The following PIK3C2B variants were observed in gnomAD, a reference collection of about 807,000 sequenced individuals.
PIK3C2B encodes the protein phosphatidylinositol 4-phosphate 3-kinase C2 domain-containing subunit beta.
A neutral mutation model predicts 184.3 loss-of-function variants in PIK3C2B; 83 were observed. The ratio of observed to expected loss-of-function variants is 0.45; its 90% CI spans 0.38 to 0.54. The LOEUF is 0.54. PIK3C2B is among the 20% of genes least tolerant of loss of function. The probability of loss-of-function intolerance (pLI) is 0.00; values close to 1 mark genes in which losing one functional copy is unlikely to be tolerated. For synonymous variants in PIK3C2B, 779 were observed against 837.6 expected (o/e 0.93, Z 1.21); for missense variants, 1,736 against 2,113.5 (o/e 0.82, Z 3.50).
At chr1:204,450,866 C>T (rs748621039) in intron 12 of PIK3C2B, among the ~76,000 whole-genome samples, 1 of 152,198 alleles carries the variant, frequency 6.6e-6, no homozygotes, top group Non-Finnish European at 1.5e-5. Flanking sequence ...TTCGGGGAAG[C>T]TGTCCCTGGG....
chr1:204,456,149 G>C, intron 10 of PIK3C2B, 98 bp from the exon 11 acceptor site: 1 of 917,936 alleles, frequency 1.1e-6, no homozygotes, highest in Non-Finnish European at 1.6e-6. Flanking sequence ...CTAAGACAGT[G>C]GTCCCCAAAT....
chr1:204,431,850 G>A, intron 27 of PIK3C2B, 57 bp from the exon 28 acceptor site: 1 of 1,608,140 alleles, frequency 6.2e-7, no homozygotes, highest in Non-Finnish European at 8.5e-7. Context: ...CCAGTGAAGG[G>A]TGTAGGAAAG....
intron 28 of PIK3C2B, 197 bp downstream of exon 28, chr1:204,431,472 G>A: frequency 1.6e-6 from 1 of 627,756 alleles, no homozygotes; most frequent in Non-Finnish European, 2.8e-6. Context: ...GGCCTGGAGT[G>A]AGAGCTCTTG....
rs1674811410 is a variant in PIK3C2B, at chr1:204,427,562, T to A, written c.4587+86A>T. The A allele has an allele frequency of 2.5e-5, 21 of 837,692 alleles. No individual in the cohort carries two copies. In the South Asian group the frequency reaches 2.6e-4, roughly 10 times the overall value. The allele number at this position is 837,692 out of a possible 1,614,324, so 51.9% of individuals were successfully genotyped here. On this transcript the variant is annotated intron_variant, in intron 31 of 32. Transcript: ENST00000684373. ...CAGTAGACTGTGGTGGTTACCCATATGACACGCGGCAGAGAAGGTCTGCCC... is the reference window on the plus strand; with the variant it reads ...CAGTAGACTGTGGTGGTTACCCATAAGACACGCGGCAGAGAAGGTCTGCCC...
rs908482261 is a variant in PIK3C2B, at chr1:204,464,373, G to A, written c.1189+77C>T. 1.5e-5 allele frequency: 20 copies of A among 1,292,026 alleles called. No individual in the cohort carries two copies. The African/African-American group carries it at 2.3e-4, about 15-fold the overall frequency. 80.0% of individuals were successfully genotyped at this position (1,292,026 alleles called of 1,614,324 possible). A position where few individuals can be genotyped will look rare whatever the true frequency, so the allele number is the denominator to read the frequency against. On this transcript the variant is annotated intron_variant, in intron 4 of 32. Coordinates refer to ENST00000684373, the MANE Select transcript of PIK3C2B (RefSeq NM_001377334.1). The stretch of plus-strand genomic sequence containing the variant: ...CTTCATCTGGGCCACAAGATGAGGT[G>A]GAAATCGAGTCAAAACACAGTCATC...
chr1:204,439,766 G>T (rs1675546257), intron 22 of PIK3C2B, among the ~76,000 whole-genome samples: 1 of 152,078 alleles, frequency 6.6e-6, no homozygotes, highest in African/African-American at 2.4e-5. Context: ...TCCCGAGGAG[G>T]TGGGACTGCA....
intron 1 of PIK3C2B, among the ~76,000 whole-genome samples, chr1:204,471,969 T>A (rs922183841): frequency 8.5e-5 from 13 of 152,250 alleles, no homozygotes; most frequent in Non-Finnish European, 1.3e-4. Flanking sequence ...ATTGATTTTT[T>A]TTTTTCCCCC....
intron 26 of PIK3C2B, among the ~76,000 whole-genome samples, chr1:204,432,843 T>C (rs1675139413): frequency 6.6e-6 from 1 of 152,190 alleles, no homozygotes; most frequent in South Asian, 2.1e-4. Flanking sequence ...GAGAACATTA[T>C]CTACAGGGAC....
At chr1:204,441,638 G>T in intron 20 of PIK3C2B, 75 bp from the exon 21 acceptor site, 1 of 908,234 alleles carries the variant, frequency 1.1e-6, no homozygotes, top group Non-Finnish European at 1.7e-6. Flanking sequence ...CTCCACTTCA[G>T]ACCAAGATGC....
intron 23 of PIK3C2B, 41 bp downstream of exon 23, chr1:204,438,894 C>A (rs757615072): frequency 6.6e-7 from 1 of 1,515,160 alleles, no homozygotes; most frequent in Non-Finnish European, 9.0e-7. Context: ...CGGCATCAGG[C>A]ACACACACAC....
chr1:204,490,185 T>G (rs1657915407), intron 1 of PIK3C2B: 1 of 368,350 alleles, frequency 2.7e-6, no homozygotes, highest in Admixed American at 4.6e-5. Flanking sequence ...TAGGTGAGAC[T>G]TCCTACAGAG....
chr1:204,431,728 C>T lies in PIK3C2B; in HGVS notation c.4221G>A (p.Glu1407=), dbSNP rs1362472139. 4 of 1,614,068 alleles carry T rather than the reference C, an allele frequency of 2.5e-6. No individual in the cohort carries two copies. The highest frequency in any genetic ancestry group is 1.7e-5 in the Admixed American group (1 of 59,998). ...ACTTATTGTGTAATTCCTGGAACTC[C>T]TCAAAGGTCCGCTGGATGTAGGTGG... ...HEATYIQRTF[E]EFQELHNKLR... The change falls in exon 28 of 33, where the codon GAG becomes GAA. Residue 1407 remains glutamate, a synonymous_variant. Transcript: ENST00000684373.
In PIK3C2B at chr1:204,441,539, C is replaced by T. The variant is rs778734825; in HGVS notation, c.3181G>A (p.Ala1061Thr). The change falls in exon 21 of 33, where the codon GCT becomes ACT. Residue 1061 changes from alanine (A) to threonine (T), a missense_variant. Ala to Thr is a moderately conservative substitution (Grantham distance 58). This residue lies in a region of PIK3C2B where 289 missense variants were observed against 380.4 expected (regional missense o/e 0.76). Transcript: ENST00000684373. Reference sequence around the variant, plus strand: ...TGGAAGGAGAGTTTGAGGGGGACAGCATTGGAGTTGAAGTAGGAACAGTCC... The same window carrying T: ...TGGAAGGAGAGTTTGAGGGGGACAGTATTGGAGTTGAAGTAGGAACAGTCC... ...PRDCSYFNSNAVPLKLSFQNV... is the reference protein window; with the variant it reads ...PRDCSYFNSNTVPLKLSFQNV... 2 of 1,612,960 alleles carry T rather than the reference C, an allele frequency of 1.2e-6. No homozygotes were observed. Among genetic ancestry groups the T allele is most frequent in the Non-Finnish European group, 1.7e-6 (2 of 1,178,972 alleles).
At position 204,460,411 on chromosome 1, in the gene PIK3C2B, A is replaced by T; in HGVS notation, c.1423-8T>A. ...GCTCTGGTCATCATTCACCTGTATA[A>T]GAAGTGACCTATTCAGAGAGGGGCG... On this transcript the variant is annotated splice_polypyrimidine_tract_variant and splice_region_variant and intron_variant, in intron 6 of 32. Transcript: ENST00000684373. The T allele has an allele frequency of 6.2e-7, 1 of 1,611,816 alleles. No individual in the cohort carries two copies. Among genetic ancestry groups the T allele is most frequent in the East Asian group, 2.2e-5 (1 of 44,866 alleles).
chr1:204,447,339 A>G lies in PIK3C2B; in HGVS notation c.2489+97T>C. On this transcript the variant is annotated intron_variant, in intron 15 of 32. Coordinates refer to ENST00000684373, the MANE Select transcript of PIK3C2B (RefSeq NM_001377334.1). The surrounding 1 kb of genome is among the most constrained non-coding windows in gnomAD (Gnocchi z 4.1). ...ACTTCCTGCTGAGATGGCAATGCCC[A>G]CCCCTTCCCACCTCCACTCCCAAAG... 1 of 1,223,834 alleles carries G rather than the reference A, an allele frequency of 8.2e-7. No individual in the cohort carries two copies. Among genetic ancestry groups the G allele is most frequent in the Non-Finnish European group, 1.2e-6 (1 of 858,542 alleles). The allele number at this position is 1,223,834 out of a possible 1,614,324, so 75.8% of individuals were successfully genotyped here.
chr1:204,475,330 A>G (rs1414527399), intron 1 of PIK3C2B, among the ~76,000 whole-genome samples: 7 of 152,190 alleles, frequency 4.6e-5, no homozygotes, highest in Non-Finnish European at 1.0e-4. Context: ...TTGGCTCCCA[A>G]TAGCAACCAG....
chr1:204,446,284 A>G, intron 15 of PIK3C2B, 140 bp from the exon 16 acceptor site: 2 of 483,716 alleles, frequency 4.1e-6, no homozygotes, highest in Non-Finnish European at 7.1e-6. Flanking sequence ...GCTTTGCTGC[A>G]TATGACACCC....
rs78236768 is a variant in PIK3C2B at position 204,457,045 on chromosome 1, T to C, written c.1739A>G (p.Glu580Gly). The C allele has an allele frequency of 6.4e-7, 1 of 1,567,530 alleles. No individual in the cohort carries two copies. The highest frequency in any genetic ancestry group is 8.7e-7 in the Non-Finnish European group (1 of 1,154,638). Residue 580 changes from glutamate to glycine, a missense_variant, in exon 10 of 33, where the codon GAA (glutamate) becomes GGA (glycine). Coordinates refer to ENST00000684373, the MANE Select transcript of PIK3C2B (RefSeq NM_001377334.1). ...GAGAGCAGTTCCCTTACCTCGGTTT[T>C]CCCTCACAGCCAAGACACTGGGATC... ...QKDPSVLAVR[E>G]NREKVVEALT...
rs1391421599 is a variant in PIK3C2B, at chr1:204,434,526, T to C, written c.3599A>G (p.Asn1200Ser). The C allele has an allele frequency of 1.2e-6, 2 of 1,614,074 alleles. No homozygotes were observed. The highest frequency in any genetic ancestry group is 1.3e-5 in the African/African-American group (1 of 74,960). Reference protein sequence around the residue: ...VLGICDRHNDNIMLKTTGHMF... With the variant: ...VLGICDRHNDSIMLKTTGHMF... ...GTGACCAGTGGTCTTCAGCATGATG[T>C]TGTCATTATGTCGGTCACAGATGCC... The change falls in exon 24 of 33, where the codon AAC becomes AGC. Residue 1200 changes from asparagine to serine, a missense_variant. This residue lies in a region of PIK3C2B where 17 missense variants were observed against 57.2 expected (regional missense o/e 0.30). Transcript: ENST00000684373.
Sources: allele counts gnomAD v4.1 joint callset (sites outside exome capture counted in the v4.1 genomes callset), GRCh38; gene constraint gnomAD v4.1.1; regional missense constraint gnomAD v4.1.1; non-coding constraint Gnocchi (gnomAD v3.1); transcripts MANE v1.5; gene names NCBI Gene and HGNC (gene_info 2026-07-23, HGNC 2026-07-21).